Variants in KPNB1 observed in about 807,000 individuals in gnomAD.
The protein encoded by KPNB1 is importin subunit beta-1.
In KPNB1, 7 loss-of-function variants were observed where a neutral mutation model predicts 113.0. The ratio of observed to expected loss-of-function variants is 0.06; its 90% CI spans 0.04 to 0.12. KPNB1 has a LOEUF of 0.12. KPNB1 is among the 10% of genes least tolerant of loss of function. The pLI, the probability that KPNB1 is intolerant of heterozygous loss-of-function variation, is 1.00. For synonymous variants in KPNB1, 363 were observed against 378.6 expected (o/e 0.96, Z 0.48); for missense variants, 400 against 1,054.8 (o/e 0.38, Z 8.60).
rs1442595267 is a variant in KPNB1 at position 47,684,576 on chromosome 17, C to G, written c.*2172C>G. On this transcript the variant is annotated 3_prime_UTR_variant, in exon 22 of 22. Transcript: ENST00000290158. ...GAAATATTGGGGATAGAAAAAAAAT[C>G]TGATCATTCCTCAGTGCTACCCATT... is the stretch of plus-strand genomic sequence containing the variant. 6.6e-6 allele frequency: 1 copy of G among 152,440 alleles called. No homozygotes were observed. Among genetic ancestry groups the G allele is most frequent in the Non-Finnish European group, 1.5e-5 (1 of 68,026 alleles). 9.4% of individuals were successfully genotyped at this position (152,440 alleles called of 1,614,324 possible).
intron 7 of KPNB1, 27 bp from the exon 8 acceptor site, chr17:47,664,132 G>C (rs779210175): frequency 6.8e-7 from 1 of 1,469,016 alleles, no homozygotes; most frequent in African/African-American, 1.4e-5. Flanking sequence ...GTACTTATTT[G>C]GGGCCTGGGG....
chr17:47,656,702 C>T (rs912113818), intron 3 of KPNB1, among the ~76,000 whole-genome samples, 158 bp from the exon 4 acceptor site: 2 of 151,944 alleles, frequency 1.3e-5, no homozygotes, highest in Non-Finnish European at 2.9e-5. Flanking sequence ...GAGCTGTGAT[C>T]GTGCCACTGC....
intron 5 of KPNB1, among the ~76,000 whole-genome samples, chr17:47,660,206 A>C (rs575366714): frequency 1.3e-5 from 2 of 152,180 alleles, no homozygotes; most frequent in African/African-American, 4.8e-5. Flanking sequence ...CGTAAGTGGA[A>C]TCATATTTGT....
intron 15 of KPNB1, 72 bp from the exon 16 acceptor site, chr17:47,676,337 G>C (rs2030614028): frequency 1.9e-6 from 2 of 1,055,106 alleles, no homozygotes; most frequent in African/African-American, 3.1e-5. Context: ...GGAGAGGTAG[G>C]ATGGGTTATT....
chr17:47,654,141 G>T (rs570861661), intron 3 of KPNB1, among the ~76,000 whole-genome samples: 3 of 152,204 alleles, frequency 2.0e-5, no homozygotes, highest in East Asian at 1.9e-4. Context: ...ATGGCTGGGC[G>T]CAGTGGCTCA....
intron 9 of KPNB1, among the ~76,000 whole-genome samples, chr17:47,665,415 A>G (rs950452608): frequency 1.3e-5 from 2 of 152,186 alleles, no homozygotes; most frequent in Non-Finnish European, 2.9e-5. Context: ...TGAGTGCTCC[A>G]TTGTCCAAAC....
intron 6 of KPNB1, among the ~76,000 whole-genome samples, chr17:47,662,524 G>A (rs1158553044): frequency 6.6e-6 from 1 of 151,174 alleles, no homozygotes; most frequent in African/African-American, 2.4e-5. Context: ...GCAGTGAGCC[G>A]TGATCATGGC....
In KPNB1 at chr17:47,669,669, T is replaced by A; in HGVS notation, c.1225-9T>A. ...TGTTTTGCTTTGCTAATAACTGTTA[T>A]ATTTTCAGGCTATGCCCACCCTAAT... On this transcript the variant is annotated splice_polypyrimidine_tract_variant and intron_variant, in intron 10 of 21. Coordinates refer to ENST00000290158, the MANE Select transcript of KPNB1 (RefSeq NM_002265.6). 6.3e-7 allele frequency: 1 copy of A among 1,576,652 alleles called. No homozygotes were observed. The highest frequency in any genetic ancestry group is 8.7e-7 in the Non-Finnish European group (1 of 1,148,208).
Position 47,684,415 on chromosome 17 carries a change from TC to T in KPNB1, c.*2013del, listed in dbSNP as rs934091890. On this transcript the variant is annotated 3_prime_UTR_variant, in exon 22 of 22. Transcript: ENST00000290158. ...TTGTGAATAAAGAGCTCATACCAGC[TC>T]CTAAGCCCTATTAAGAAGAGGCCTG... 1 of 152,072 alleles carries T rather than the reference TC, an allele frequency of 6.6e-6. No individual in the cohort carries two copies. Among genetic ancestry groups the T allele is most frequent in the Non-Finnish European group, 1.5e-5 (1 of 68,018 alleles). 9.4% of individuals were successfully genotyped at this position (152,072 alleles called of 1,614,324 possible).
chr17:47,673,635 A>G, intron 14 of KPNB1, 74 bp downstream of exon 14: 2 of 1,129,842 alleles, frequency 1.8e-6, no homozygotes, highest in Non-Finnish European at 1.4e-6. Flanking sequence ...AAGTTCGTGT[A>G]CACACAGAAC....
chr17:47,659,978 A>C (rs1464619863), intron 5 of KPNB1, among the ~76,000 whole-genome samples: 1 of 152,136 alleles, frequency 6.6e-6, no homozygotes, highest in Non-Finnish European at 1.5e-5. Context: ...AAATGCAATG[A>C]ATAACATAAA....
chr17:47,653,115 T>A (rs1188221475), intron 3 of KPNB1, among the ~76,000 whole-genome samples: 1 of 152,138 alleles, frequency 6.6e-6, no homozygotes, highest in African/African-American at 2.4e-5. Context: ...TTTGGGAAAC[T>A]TTAATTACGT....
chr17:47,669,987 T>C, intron 11 of KPNB1, 118 bp downstream of exon 11: 1 of 764,868 alleles, frequency 1.3e-6, no homozygotes, highest in South Asian at 1.8e-5. Flanking sequence ...ATTTTCTTTC[T>C]AATTTATTCA....
chr17:47,673,599 G>T lies in KPNB1; in HGVS notation c.1767+38G>T, dbSNP rs539348133. On this transcript the variant is annotated intron_variant, in intron 14 of 21. Transcript: ENST00000290158. Reference sequence around the variant, plus strand: ...CTTATGACTTAATAACTCCAGGTTGGAGAATTATTAGTATCTCAGTATAAC... The same window carrying T: ...CTTATGACTTAATAACTCCAGGTTGTAGAATTATTAGTATCTCAGTATAAC... The T allele has an allele frequency of 2.1e-6, 3 of 1,458,954 alleles. 1 individual carries two copies. In the South Asian group the frequency reaches 3.4e-5, roughly 17 times the overall value. The allele number at this position is 1,458,954 out of a possible 1,614,324, so 90.4% of individuals were successfully genotyped here.
At chr17:47,672,974 C>G (rs1211941737) in intron 12 of KPNB1, 44 bp from the exon 13 acceptor site, 2 of 1,581,824 alleles carry the variant, frequency 1.3e-6, no homozygotes, top group Non-Finnish European at 1.7e-6. Context: ...TCTTCCCTGT[C>G]CTTTTCATTT....
intron 2 of KPNB1, 105 bp downstream of exon 2, chr17:47,650,549 A>ATCCCGTCCCCCTCCCCCC (rs1915514023): frequency 5.2e-6 from 3 of 574,318 alleles, no homozygotes; most frequent in East Asian, 1.0e-4. Context: ...ACCCCGCCCC[A>ATCCCGTCCCCCTCCCCCC]TCCCGTCCCC....
At chr17:47,654,862 C>T (rs1246087352) in intron 3 of KPNB1, among the ~76,000 whole-genome samples, 1 of 152,198 alleles carries the variant, frequency 6.6e-6, no homozygotes. Context: ...ATATTTTGGA[C>T]AATTCACCTT....
intron 5 of KPNB1, among the ~76,000 whole-genome samples, chr17:47,659,569 G>A (rs1019331432): frequency 3.3e-5 from 5 of 151,900 alleles, no homozygotes; most frequent in South Asian, 2.1e-4. Context: ...CCTGTGCAAC[G>A]TAACAAAACC....
intron 9 of KPNB1, among the ~76,000 whole-genome samples, chr17:47,666,269 TCTCGAA>T (rs1266245687): frequency 6.6e-6 from 1 of 151,286 alleles, no homozygotes; most frequent in Admixed American, 6.6e-5. Context: ...GCCAGGCTGG[TCTCGAA>T]CTCCTGACTT....
Sources: gnomAD v4.1 joint callset for allele counts (sites outside exome capture counted in the v4.1 genomes callset) on GRCh38, gnomAD v4.1.1 for gene constraint, MANE v1.5 for transcripts, NCBI Gene and HGNC (gene_info 2026-07-23, HGNC 2026-07-21) for gene names.